The following ORC6 variants were observed in gnomAD, a reference collection of about 807,000 sequenced individuals.
ORC6 encodes origin recognition complex subunit 6.
In ORC6, 31 loss-of-function variants were observed where a neutral mutation model predicts 30.0. The observed-to-expected ratio is 1.03, with a 90% CI of 0.78 to 1.40. ORC6 has a LOEUF of 1.40. Ranked by LOEUF, ORC6 falls within the 40% of genes most tolerant of loss-of-function variation. ORC6 has a pLI of 0.00. For missense variants in ORC6, 340 were observed against 304.3 expected (o/e 1.12, Z -0.87); for synonymous variants, 136 against 111.2 (o/e 1.22, Z -1.40).
rs1220725276 is a variant in ORC6 at position 46,694,500 on chromosome 16, C to T, written c.450-1062C>T. 368 of 140,858 alleles carry T rather than the reference C, an allele frequency of 2.6e-3. 3 individuals carry two copies. Among genetic ancestry groups the T allele is most frequent in the African/African-American group, 9.0e-3 (350 of 38,868 alleles). 8.7% of individuals were successfully genotyped at this position (140,858 alleles called of 1,614,324 possible). The stretch of plus-strand genomic sequence containing the variant: ...GGCCGGGCGGGGGGGCTGACCCCCC[C>T]CACCTCCTTCCTGGACGGGGCGGCT... On this transcript the variant is annotated intron_variant, in intron 4 of 6. Coordinates refer to ENST00000219097, the MANE Select transcript of ORC6 (RefSeq NM_014321.4).
rs780862801 is a variant in ORC6, at chr16:46,697,660, G to C, written c.*75G>C. On this transcript the variant is annotated 3_prime_UTR_variant, in exon 7 of 7. Coordinates refer to ENST00000219097, the MANE Select transcript of ORC6 (RefSeq NM_014321.4). ...CTCCAGGAAGACTTGACGGCTTTGG[G>C]ATTTTGTTTAAACTTTTATAATAAG... 1 of 1,488,232 alleles carries C rather than the reference G, an allele frequency of 6.7e-7. No individual in the cohort carries two copies. Among genetic ancestry groups the C allele is most frequent in the Admixed American group, 1.7e-5 (1 of 59,788 alleles). The allele number at this position is 1,488,232 out of a possible 1,614,324, so 92.2% of individuals were successfully genotyped here. A position where few individuals can be genotyped will look rare whatever the true frequency, so the allele number is the denominator to read the frequency against.
chr16:46,696,146 C>A, intron 6 of ORC6, 61 bp downstream of exon 6: 1 of 1,171,620 alleles, frequency 8.5e-7, no homozygotes, highest in African/African-American at 1.5e-5. Context: ...CCCAGTGCTG[C>A]TCTAGCAGCT....
At position 46,691,028 on chromosome 16, in the gene ORC6, T is replaced by A; in HGVS notation, c.103T>A (p.Cys35Ser). The A allele has an allele frequency of 6.2e-7, 1 of 1,614,242 alleles. No individual in the cohort carries two copies. The highest frequency in any genetic ancestry group is 8.5e-7 in the Non-Finnish European group (1 of 1,180,028). The change falls in exon 2 of 7, where the codon TGT becomes AGT. Residue 35 changes from cysteine (C) to serine (S), a missense_variant. By Grantham distance (112) the Cys-to-Ser change is moderately radical. Transcript: ENST00000219097. ...GTACTTGCGCCTGTCCCGGGTGAAG[T>A]GTGTCGGCCTCTCCGCACGCACCAC... ...EEYLRLSRVK[C>S]VGLSARTTET... is the part of the protein sequence containing the mutation.
rs1966404410 is a variant in ORC6 at position 46,689,757 on chromosome 16, C to T, written c.52C>T (p.Pro18Ser). 1 of 1,597,864 alleles carries T rather than the reference C, an allele frequency of 6.3e-7. No individual in the cohort carries two copies. Among genetic ancestry groups the T allele is most frequent in the Middle Eastern group, 1.7e-4 (1 of 6,040 alleles). ...AGCCCCGCGCCTGGGCCTCGCCGAG[C>T]CCGACATGCTGAGGTGAGTTCGGCC... ...RLAPRLGLAEPDMLRKAEEYL... is the reference protein window; with the variant it reads ...RLAPRLGLAESDMLRKAEEYL... Residue 18 changes from proline (P) to serine (S), a missense_variant, in exon 1 of 7, where the codon CCC becomes TCC. Transcript: ENST00000219097.
chr16:46,690,820 C>T, intron 1 of ORC6, 171 bp from the exon 2 acceptor site: 2 of 705,468 alleles, frequency 2.8e-6, no homozygotes, highest in Non-Finnish European at 5.1e-6. Context: ...GGAGTCAGTG[C>T]TGGTTCTGTC....
intron 2 of ORC6, among the ~76,000 whole-genome samples, chr16:46,692,023 C>T (rs191882616): frequency 5.4e-4 from 82 of 151,174 alleles, no homozygotes; most frequent in Admixed American, 2.0e-3. Context: ...TTCTCTCCTT[C>T]CTTTTCCCAA....
chr16:46,690,792 T>C (rs1159302691), intron 1 of ORC6, 199 bp from the exon 2 acceptor site: 12 of 651,988 alleles, frequency 1.8e-5, no homozygotes, highest in South Asian at 1.6e-4. Flanking sequence ...CTGAAAGCAT[T>C]TGAGCACAGT....
intron 2 of ORC6, among the ~76,000 whole-genome samples, chr16:46,691,952 A>ACTCTCTCTCT (rs1422327857): frequency 1.3e-4 from 1 of 7,604 alleles, no homozygotes; most frequent in South Asian, 7.9e-3. Context: ...ACACACACAC[A>ACTCTCTCTCT]CACACACTCT....
chr16:46,694,748 C>T (rs552221228), intron 4 of ORC6, among the ~76,000 whole-genome samples: 39 of 151,420 alleles, frequency 2.6e-4, no homozygotes, highest in Admixed American at 4.6e-4. Flanking sequence ...CTGAATCTTA[C>T]AATTGTGGGT....
At chr16:46,690,511 A>C (rs1966422491) in intron 1 of ORC6, among the ~76,000 whole-genome samples, 1 of 152,248 alleles carries the variant, frequency 6.6e-6, no homozygotes. Context: ...GACCAGCAAC[A>C]GCCATATCAT....
chr16:46,693,396 A>C (rs1219622537), intron 4 of ORC6: 3 of 598,410 alleles, frequency 5.0e-6, no homozygotes, highest in Non-Finnish European at 8.9e-6. Context: ...ACTAGCAAAT[A>C]GCAGCTGTAT....
At chr16:46,693,402 T>TGGGATATATATATATCCCA (rs1228845922) in intron 4 of ORC6, 2 of 586,060 alleles carry the variant, frequency 3.4e-6, no homozygotes, top group Non-Finnish European at 6.1e-6. Flanking sequence ...AAATAGCAGC[T>TGGGATATATATATATCCCA]GTATATATAT....
intron 1 of ORC6, chr16:46,690,769 A>G: frequency 1.7e-6 from 1 of 596,880 alleles, no homozygotes; most frequent in Admixed American, 2.6e-5. Flanking sequence ...GTCAAAATTT[A>G]ACTTCCTTTT....
Position 46,691,015 on chromosome 16 carries a change from G to C in ORC6, c.90G>C (p.Leu30=), listed in dbSNP as rs1966430506. 6.2e-7 allele frequency: 1 copy of C among 1,614,110 alleles called. No homozygotes were observed. Among genetic ancestry groups the C allele is most frequent in the South Asian group, 1.1e-5 (1 of 91,088 alleles). The change falls in exon 2 of 7, where the codon CTG becomes CTC. Residue 30 remains leucine (L), a synonymous_variant. Transcript: ENST00000219097. ...GGAAAGCAGAGGAGTACTTGCGCCT[G>C]TCCCGGGTGAAGTGTGTCGGCCTCT... The part of the protein sequence containing the change: ...MLRKAEEYLR[L]SRVKCVGLSA...
intron 2 of ORC6, among the ~76,000 whole-genome samples, chr16:46,691,441 G>C (rs1385320837): frequency 1.3e-5 from 2 of 152,210 alleles, no homozygotes; most frequent in Non-Finnish European, 2.9e-5. Flanking sequence ...GTGTTTGAGA[G>C]AACAAGCTTT....
intron 2 of ORC6, among the ~76,000 whole-genome samples, chr16:46,691,978 T>A (rs1966448890): frequency 6.7e-6 from 1 of 148,268 alleles, no homozygotes; most frequent in African/African-American, 2.5e-5. Flanking sequence ...TCTCTCTCTC[T>A]CTCACCACCC....
intron 5 of ORC6, 61 bp downstream of exon 5, chr16:46,695,735 G>A (rs778204370): frequency 8.8e-7 from 1 of 1,135,734 alleles, no homozygotes; most frequent in Non-Finnish European, 1.3e-6. Flanking sequence ...GCTTGTAAAA[G>A]TCAAATATTT....
chr16:46,691,972 T>TCTCTCTCTCTCTCTCTCTCTCC, intron 2 of ORC6, among the ~76,000 whole-genome samples: 1 of 145,454 alleles, frequency 6.9e-6, no homozygotes, highest in South Asian at 2.2e-4. Flanking sequence ...TCTCTCTCTC[T>TCTCTCTCTCTCTCTCTCTCTCC]CTCTCTCTCA....
Position 46,692,487 on chromosome 16 carries a change from C to G in ORC6, c.301C>G (p.Leu101Val), listed in dbSNP as rs755612392. The stretch of plus-strand genomic sequence containing the variant: ...GAATTCAAATATTGGAATAAGAGAC[C>G]TAGCTGTACAGTTTAGCTGTATAGA... ...GLNSNIGIRD[L>V]AVQFSCIEAV... is the part of the protein sequence containing the mutation. Residue 101 changes from leucine (L) to valine (V), a missense_variant, in exon 3 of 7, where the codon CTA becomes GTA. Transcript: ENST00000219097. The G allele has an allele frequency of 7.4e-6, 12 of 1,613,414 alleles. No homozygotes were observed. In the East Asian group the frequency reaches 2.0e-4, roughly 27 times the overall value.
Sources: allele counts gnomAD v4.1 joint callset (sites outside exome capture counted in the v4.1 genomes callset), GRCh38; gene constraint gnomAD v4.1.1; transcripts MANE v1.5; gene names NCBI Gene and HGNC (gene_info 2026-07-23, HGNC 2026-07-21).